GABRB2: variants seen among roughly 807,000 people sequenced by gnomAD.
GABRB2 encodes gamma-aminobutyric acid receptor subunit beta-2.
GABRB2 carries 16 observed loss-of-function variants against 54.7 expected under a neutral mutation model. The ratio of observed to expected loss-of-function variants is 0.29; its 90% CI spans 0.20 to 0.44. GABRB2 has a LOEUF of 0.44. Among genes scored for constraint, GABRB2 ranks in the 20% least tolerant of loss-of-function variants. GABRB2 has a pLI of 1.00. For missense variants in GABRB2, 355 were observed against 644.0 expected (o/e 0.55, Z 4.86); for synonymous variants, 244 against 233.8 (o/e 1.04, Z -0.40).
intron 3 of GABRB2, among the ~76,000 whole-genome samples, chr5:161,503,703 C>T (rs1034694320): frequency 7.5e-6 from 1 of 132,838 alleles, no homozygotes; most frequent in African/African-American, 3.0e-5. Flanking sequence ...GAGCGAAATT[C>T]CTTCTCAAAA....
At chr5:161,524,299 C>T (rs1432066503) in intron 3 of GABRB2, among the ~76,000 whole-genome samples, 1 of 150,856 alleles carries the variant, frequency 6.6e-6, no homozygotes, top group Non-Finnish European at 1.5e-5. Context: ...AATCACTCTC[C>T]TCATTTTATA....
At chr5:161,495,409 A>G (rs996606014) in intron 3 of GABRB2, among the ~76,000 whole-genome samples, 1 of 152,078 alleles carries the variant, frequency 6.6e-6, no homozygotes, top group Admixed American at 6.6e-5. Context: ...ATAATTTGAA[A>G]ACAAGTGAAT....
intron 3 of GABRB2, among the ~76,000 whole-genome samples, chr5:161,524,256 A>G (rs1046643321): frequency 2.0e-5 from 3 of 151,336 alleles, no homozygotes; most frequent in African/African-American, 7.3e-5. Flanking sequence ...AAACTTCATA[A>G]TTTACTACAA....
At chr5:161,544,067 G>T (rs1247237474) in intron 3 of GABRB2, among the ~76,000 whole-genome samples, 1 of 152,180 alleles carries the variant, frequency 6.6e-6, no homozygotes, top group Non-Finnish European at 1.5e-5. Context: ...TGAGGACTAT[G>T]TTGGTTACTG....
chr5:161,546,747 C>A (rs1270213280), upstream of GABRB2: 2 of 1,519,056 alleles, frequency 1.3e-6, no homozygotes, highest in South Asian at 1.2e-5. Flanking sequence ...GCACGGCGTA[C>A]CAAAACATCA....
At chr5:161,308,055 G>T (rs1460480330) in intron 9 of GABRB2, among the ~76,000 whole-genome samples, 1 of 147,658 alleles carries the variant, frequency 6.8e-6, no homozygotes, top group African/African-American at 2.4e-5. Flanking sequence ...TAGAGATGGG[G>T]TTTCACCATG....
chr5:161,498,421 T>G (rs558869583), intron 3 of GABRB2, among the ~76,000 whole-genome samples: 20 of 152,076 alleles, frequency 1.3e-4, no homozygotes, highest in Non-Finnish European at 2.4e-4. Context: ...TTTGAGATGC[T>G]GGAGCTGAAA....
chr5:161,309,255 A>G (rs977907607), intron 9 of GABRB2, among the ~76,000 whole-genome samples: 11 of 152,228 alleles, frequency 7.2e-5, no homozygotes, highest in Non-Finnish European at 1.5e-4. Context: ...CATATGAAAA[A>G]AAGCTTTACA....
chr5:161,536,157 A>T (rs1760627756), intron 3 of GABRB2, among the ~76,000 whole-genome samples: 1 of 152,200 alleles, frequency 6.6e-6, no homozygotes, highest in Non-Finnish European at 1.5e-5. Flanking sequence ...TGTTGTAGCA[A>T]CACTAAATGG....
At chr5:161,320,343 T>C (rs1412776314) in intron 9 of GABRB2, among the ~76,000 whole-genome samples, 1 of 149,632 alleles carries the variant, frequency 6.7e-6, no homozygotes. Flanking sequence ...TAAATGTTCT[T>C]CAATTTAATT....
At chr5:161,482,934 G>T (rs561297008) in intron 3 of GABRB2, among the ~76,000 whole-genome samples, 1 of 152,124 alleles carries the variant, frequency 6.6e-6, no homozygotes, top group Non-Finnish European at 1.5e-5. Context: ...TAGACAAAAT[G>T]TGCTCCACAC....
intron 7 of GABRB2, among the ~76,000 whole-genome samples, chr5:161,332,373 T>C (rs1753878514): frequency 1.3e-5 from 2 of 152,118 alleles, no homozygotes; most frequent in African/African-American, 4.8e-5. Context: ...CTCATGTATA[T>C]GGATCGGACA....
At position 161,500,805 on chromosome 5, in the gene GABRB2, G is replaced by C. The variant is rs562656727; in HGVS notation, c.238-40961C>G. 1.4e-4 allele frequency among the ~76,000 whole-genome samples: 22 copies of C among 152,128 alleles called. No homozygotes were observed. The South Asian group carries it at 3.5e-3, about 24-fold the overall frequency. On this transcript the variant is annotated intron_variant, in intron 3 of 9. Coordinates refer to ENST00000393959, the MANE Select transcript of GABRB2 (RefSeq NM_001371727.1). ...CCCCCAAATGTTTTAAACTCAAATT[G>C]TTAACTTAATCAAATGTTTCTTGAT...
chr5:161,463,519 T>G (rs1357666255), intron 3 of GABRB2, among the ~76,000 whole-genome samples: 1 of 140,684 alleles, frequency 7.1e-6, no homozygotes, highest in Admixed American at 7.2e-5. Context: ...GGATTTTTTT[T>G]GTAGATGTTG....
intron 3 of GABRB2, among the ~76,000 whole-genome samples, chr5:161,494,936 A>G (rs1157845580): frequency 6.6e-6 from 1 of 151,932 alleles, no homozygotes; most frequent in African/African-American, 2.4e-5. Context: ...ATATAAGCCT[A>G]TATAAAGTAT....
chr5:161,398,879 T>C (rs1343119753), intron 5 of GABRB2, among the ~76,000 whole-genome samples: 1 of 151,970 alleles, frequency 6.6e-6, no homozygotes, highest in Non-Finnish European at 1.5e-5. Context: ...TAGTAGAGAC[T>C]GGGTTTCACT....
intron 4 of GABRB2, among the ~76,000 whole-genome samples, chr5:161,434,284 G>T (rs572199936): frequency 2.2e-4 from 34 of 152,062 alleles, no homozygotes; most frequent in Non-Finnish European, 4.3e-4. Flanking sequence ...CTATTTATTT[G>T]TAGTCAAGAC....
chr5:161,376,936 G>T (rs946398181), intron 5 of GABRB2, among the ~76,000 whole-genome samples: 2 of 151,826 alleles, frequency 1.3e-5, no homozygotes, highest in African/African-American at 4.8e-5. Flanking sequence ...TCAAAAATGA[G>T]CAGGGAGGAA....
At chr5:161,501,945 A>C (rs1260941256) in intron 3 of GABRB2, among the ~76,000 whole-genome samples, 2 of 148,466 alleles carry the variant, frequency 1.3e-5, no homozygotes, top group African/African-American at 4.9e-5. Flanking sequence ...TAAATGTAAA[A>C]TATGTAAAGT....
Sources: gnomAD v4.1 joint callset for allele counts (sites outside exome capture counted in the v4.1 genomes callset) on GRCh38, gnomAD v4.1.1 for gene constraint, MANE v1.5 for transcripts, NCBI Gene and HGNC (gene_info 2026-07-23, HGNC 2026-07-21) for gene names.